The following KLB variants were observed in gnomAD, a reference collection of about 807,000 sequenced individuals.
KLB encodes the protein klotho beta, also known as beta-klotho.
Under a neutral mutation model 88.4 loss-of-function variants are expected in KLB, and 44 were observed. That is an observed-to-expected ratio of 0.50 (90% CI 0.39 to 0.64). The LOEUF (loss-of-function observed/expected upper bound fraction) is 0.64. KLB is among the 30% of genes least tolerant of loss of function. The pLI, the probability that KLB is intolerant of heterozygous loss-of-function variation, is 0.00. For missense variants in KLB, 1,137 were observed against 1,304.8 expected, an observed-to-expected ratio of 0.87 and a Z score of 1.98; for synonymous variants, 548 against 513.4, an observed-to-expected ratio of 1.07 and a Z score of -0.91.
chr4:39,441,377 G>A (rs1743593003), intron 3 of KLB, among the ~76,000 whole-genome samples: 1 of 152,040 alleles, frequency 6.6e-6, no homozygotes, highest in Admixed American at 6.6e-5. Context: ...CACTTTAATT[G>A]GGTTTATATA....
chr4:39,448,388 C>T lies in KLB; in HGVS notation c.2837C>T (p.Thr946Ile). 1 of 1,613,542 alleles carries T rather than the reference C, an allele frequency of 6.2e-7. No individual in the cohort carries two copies. The highest frequency in any genetic ancestry group is 8.5e-7 in the Non-Finnish European group (1 of 1,179,436). ...EKSKPRFGFF[T>I]SDFKAKSSIQ... is the part of the protein sequence containing the mutation. ...TCTAAACCCAGATTTGGATTCTTCA[C>T]ATCTGATTTTAAAGCTAAATCCTCA... Residue 946 changes from threonine to isoleucine, a missense_variant, in exon 5 of 5, where the codon ACA becomes ATA. Around this residue, in one of 4 missense-constraint regions of KLB, gnomAD observed 426 missense variants for 404.6 expected, o/e 1.05. Transcript: ENST00000257408.
chr4:39,422,457 C>T (rs2109826648), intron 1 of KLB, among the ~76,000 whole-genome samples: 1 of 152,286 alleles, frequency 6.6e-6, no homozygotes, highest in Middle Eastern at 3.4e-3. Flanking sequence ...AACCTCTCCA[C>T]CCCCTGGTTT....
rs893535245 is a variant in KLB at position 39,449,352 on chromosome 4, T to C, written c.*666T>C. 2 of 151,794 alleles carry C rather than the reference T, an allele frequency of 1.3e-5. No individual in the cohort carries two copies. Among genetic ancestry groups the C allele is most frequent in the African/African-American group, 4.8e-5 (2 of 41,288 alleles). The allele number at this position is 151,794 out of a possible 1,614,324, so 9.4% of individuals were successfully genotyped here. A position where few individuals can be genotyped will look rare whatever the true frequency, so the allele number is the denominator to read the frequency against. On this transcript the variant is annotated 3_prime_UTR_variant, in exon 5 of 5. Transcript: ENST00000257408. ...AAAAAAAAAAGCAAAAGCAAAACTTTGTTTTGTTAGACTCTACAGCAGAGA... is the reference window on the plus strand; with the variant it reads ...AAAAAAAAAAGCAAAAGCAAAACTTCGTTTTGTTAGACTCTACAGCAGAGA...
At chr4:39,425,114 G>A (rs1457278747) in intron 1 of KLB, among the ~76,000 whole-genome samples, 3 of 152,188 alleles carry the variant, frequency 2.0e-5, no homozygotes, top group Admixed American at 6.5e-5. Flanking sequence ...AAGATGGCAT[G>A]CAAATGCTCT....
At chr4:39,419,162 G>A (rs1743025100) in intron 1 of KLB, among the ~76,000 whole-genome samples, 1 of 151,802 alleles carries the variant, frequency 6.6e-6, no homozygotes, top group Non-Finnish European at 1.5e-5. Flanking sequence ...CTTCAAGAGA[G>A]CAATATTTAC....
chr4:39,432,707 G>C (rs1052525281), intron 1 of KLB, among the ~76,000 whole-genome samples: 2 of 152,102 alleles, frequency 1.3e-5, no homozygotes, highest in African/African-American at 4.8e-5. Context: ...ATATTAAATG[G>C]ACCAGAAACC....
At chr4:39,415,701 A>C (rs1477198188) in intron 1 of KLB, among the ~76,000 whole-genome samples, 2 of 152,172 alleles carry the variant, frequency 1.3e-5, no homozygotes, top group African/African-American at 4.8e-5. Flanking sequence ...ATAGTCAATA[A>C]AGTATATTTA....
At chr4:39,408,510 CTACAT>C (rs1486080105) in intron 1 of KLB, among the ~76,000 whole-genome samples, 1 of 152,138 alleles carries the variant, frequency 6.6e-6, no homozygotes, top group Non-Finnish European at 1.5e-5. Context: ...GTACCACAGA[CTACAT>C]TAAGTATTTT....
intron 1 of KLB, among the ~76,000 whole-genome samples, chr4:39,418,623 C>T (rs1189213534): frequency 6.6e-6 from 1 of 151,802 alleles, no homozygotes; most frequent in Non-Finnish European, 1.5e-5. Flanking sequence ...CCATCACGAT[C>T]TAAGACACCT....
chr4:39,429,762 A>T (rs1197648304), intron 1 of KLB, among the ~76,000 whole-genome samples: 2 of 152,228 alleles, frequency 1.3e-5, no homozygotes, highest in African/African-American at 2.4e-5. Flanking sequence ...GTGCCCAACC[A>T]AAGAACACAC....
intron 1 of KLB, among the ~76,000 whole-genome samples, chr4:39,411,575 A>C (rs1312555703): frequency 2.0e-5 from 3 of 150,342 alleles, no homozygotes; most frequent in East Asian, 4.0e-4. Context: ...GCTGGCGTGC[A>C]GTGGCTCGAT....
chr4:39,410,915 G>A (rs1487048834), intron 1 of KLB, among the ~76,000 whole-genome samples: 1 of 152,198 alleles, frequency 6.6e-6, no homozygotes, highest in African/African-American at 2.4e-5. Context: ...ATGGTCCAGA[G>A]GGTCCCAAGG....
intron 2 of KLB, among the ~76,000 whole-genome samples, chr4:39,435,053 C>T (rs1314160539): frequency 2.6e-5 from 4 of 152,016 alleles, no homozygotes; most frequent in African/African-American, 9.6e-5. Flanking sequence ...GTGATCCGCC[C>T]GCCTCAGCCT....
Position 39,437,760 on chromosome 4 carries a change from A to G in KLB, c.1370A>G (p.Tyr457Cys). The G allele has an allele frequency of 6.2e-7, 1 of 1,613,686 alleles. No individual in the cohort carries two copies. Among genetic ancestry groups the G allele is most frequent in the Non-Finnish European group, 8.5e-7 (1 of 1,179,638 alleles). The change falls in exon 3 of 5, where the codon TAT becomes TGT. Residue 457 changes from tyrosine (Y) to cysteine (C), a missense_variant. This residue lies in a region of KLB where 597 missense variants were observed against 765.2 expected (regional missense o/e 0.78). Transcript: ENST00000257408. ...TTAGATGAAATACGAGTGTTTGGTT[A>G]TACTGCCTGGTCTCTCCTGGATGGC... ...IRLDEIRVFGYTAWSLLDGFE... is the reference protein window; with the variant it reads ...IRLDEIRVFGCTAWSLLDGFE...
chr4:39,439,072 A>C (rs1377674092), intron 3 of KLB, among the ~76,000 whole-genome samples: 2 of 150,118 alleles, frequency 1.3e-5, no homozygotes, highest in Non-Finnish European at 3.0e-5. Context: ...GCACAATCAC[A>C]GCTCACTGTA....
rs1465970740 is a variant in KLB at position 39,447,243 on chromosome 4, C to T, written c.2517C>T (p.Ser839=). ...RFVMHEQLAG[S]RYDSDRDIQF... ...TGATGCACGAGCAGCTGGCCGGCAG[C>T]CGCTACGACTCGGACAGGGACATCC... Residue 839 remains serine (S), a synonymous_variant, in exon 4 of 5, where the codon AGC becomes AGT. Coordinates refer to ENST00000257408, the MANE Select transcript of KLB (RefSeq NM_175737.4). The T allele has an allele frequency of 6.2e-7, 1 of 1,614,104 alleles. No homozygotes were observed. The highest frequency in any genetic ancestry group is 8.5e-7 in the Non-Finnish European group (1 of 1,180,036).
Position 39,447,453 on chromosome 4 carries a change from G to T in KLB, c.2727G>T (p.Lys909Asn). 1 of 1,592,664 alleles carries T rather than the reference G, an allele frequency of 6.3e-7. No homozygotes were observed. The highest frequency in any genetic ancestry group is 8.6e-7 in the Non-Finnish European group (1 of 1,167,910). ...GGCTCCGGAAGTACTACCTAGGGAAGTACCTTCAGGAGGTGCTGAAAGGTA... is the reference window on the plus strand; with the variant it reads ...GGCTCCGGAAGTACTACCTAGGGAATTACCTTCAGGAGGTGCTGAAAGGTA... ...DDRLRKYYLG[K>N]YLQEVLKAYL... is the part of the protein sequence containing the mutation. The change falls in exon 4 of 5, where the codon AAG (lysine) becomes AAT (asparagine). Residue 909 changes from lysine (K) to asparagine (N), a missense_variant. Physicochemically the swap from Lys to Asn is moderately conservative, Grantham distance 94 (BLOSUM62 0). Transcript: ENST00000257408.
At chr4:39,413,724 A>G (rs560291153) in intron 1 of KLB, among the ~76,000 whole-genome samples, 105 of 150,216 alleles carry the variant, frequency 7.0e-4, no homozygotes, top group Admixed American at 1.5e-3. Context: ...AACCTGTCTC[A>G]GGAAAAAAAA....
intron 3 of KLB, among the ~76,000 whole-genome samples, chr4:39,438,970 C>G (rs1743537376): frequency 6.6e-6 from 1 of 151,720 alleles, no homozygotes; most frequent in African/African-American, 2.4e-5. Context: ...AGTGATTTAA[C>G]TGCTCTATGT....
Sources: gnomAD v4.1 joint callset for allele counts (sites outside exome capture counted in the v4.1 genomes callset) on GRCh38, gnomAD v4.1.1 for gene constraint, gnomAD v4.1.1 regional missense constraint, MANE v1.5 for transcripts, NCBI Gene and HGNC (gene_info 2026-07-23, HGNC 2026-07-21) for gene names.